The following ARHGEF26 variants were observed in gnomAD, a reference collection of about 807,000 sequenced individuals.
The protein encoded by ARHGEF26 is Rho guanine nucleotide exchange factor (GEF) 26.
In ARHGEF26, 59 loss-of-function variants were observed where a neutral mutation model predicts 89.4. The ratio of observed to expected loss-of-function variants is 0.66; its 90% CI spans 0.54 to 0.82. The LOEUF (loss-of-function observed/expected upper bound fraction) is 0.82, where lower values mean the gene tolerates loss of function less well. Ranked by LOEUF, ARHGEF26 falls within the 40% of genes least tolerant of loss-of-function variation. The pLI is 0.00. For missense variants in ARHGEF26, 1,234 were observed against 1,085.6 expected (o/e 1.14, Z -1.92); for synonymous variants, 500 against 428.4 (o/e 1.17, Z -2.06).
chr3:154,152,618 G>A (rs1727957), intron 5 of ARHGEF26, among the ~76,000 whole-genome samples, 154 bp from the exon 6 acceptor site: 138,291 of 152,228 alleles, frequency 0.91, 63,038 homozygotes, highest in East Asian at 1. Flanking sequence ...GAGTAGTTTT[G>A]TGATGTTGTT....
At chr3:154,169,590 C>T (rs541268838) in intron 6 of ARHGEF26, among the ~76,000 whole-genome samples, 2 of 152,234 alleles carry the variant, frequency 1.3e-5, no homozygotes, top group East Asian at 3.9e-4. Context: ...GCTGTGGTGT[C>T]TTACAGAGAA....
At chr3:154,123,813 T>A (rs368216210) in intron 2 of ARHGEF26, among the ~76,000 whole-genome samples, 1 of 152,202 alleles carries the variant, frequency 6.6e-6, no homozygotes, top group Non-Finnish European at 1.5e-5. Flanking sequence ...GCTGCACTTA[T>A]TAAAATATTG....
chr3:154,147,124 G>C (rs1398231571), intron 4 of ARHGEF26, among the ~76,000 whole-genome samples: 1 of 152,176 alleles, frequency 6.6e-6, no homozygotes, highest in Non-Finnish European at 1.5e-5. Context: ...TAAAAATGAG[G>C]CCGGACATGG....
intron 2 of ARHGEF26, among the ~76,000 whole-genome samples, chr3:154,123,383 A>G (rs1469641607): frequency 1.3e-5 from 2 of 152,148 alleles, no homozygotes; most frequent in African/African-American, 4.8e-5. Context: ...CCACTTTTAA[A>G]AGAGATAGCT....
intron 6 of ARHGEF26, among the ~76,000 whole-genome samples, chr3:154,154,110 C>T (rs1461806978): frequency 6.6e-6 from 1 of 152,056 alleles, no homozygotes; most frequent in Non-Finnish European, 1.5e-5. Flanking sequence ...AAGGTACATC[C>T]ATCTATTCAT....
intron 6 of ARHGEF26, among the ~76,000 whole-genome samples, chr3:154,161,893 G>A (rs1394844901): frequency 6.6e-6 from 1 of 152,142 alleles, no homozygotes; most frequent in Admixed American, 6.6e-5. Context: ...TGCTTCAGCT[G>A]CCAATTAGAC....
At chr3:154,143,065 C>T (rs1719479502) in intron 4 of ARHGEF26, among the ~76,000 whole-genome samples, 1 of 152,148 alleles carries the variant, frequency 6.6e-6, no homozygotes, top group Non-Finnish European at 1.5e-5. Context: ...GTCTGCCCTA[C>T]TCGTTTTGTT....
intron 7 of ARHGEF26, among the ~76,000 whole-genome samples, chr3:154,188,637 C>T (rs1277740550): frequency 6.6e-6 from 1 of 152,118 alleles, no homozygotes; most frequent in South Asian, 2.1e-4. Flanking sequence ...CTCACCCCCT[C>T]CTGTGAGTTG....
intron 11 of ARHGEF26, among the ~76,000 whole-genome samples, chr3:154,237,054 T>G (rs1267375283): frequency 6.6e-6 from 1 of 152,220 alleles, no homozygotes; most frequent in Non-Finnish European, 1.5e-5. Context: ...TAGCTGTGAT[T>G]AGGGCAGCCA....
chr3:154,239,295 AGAGAGTGTGTGTGTGTGTGT>A (rs1189619448), intron 11 of ARHGEF26, among the ~76,000 whole-genome samples: 7 of 58,766 alleles, frequency 1.2e-4, no homozygotes, highest in African/African-American at 4.3e-4. Flanking sequence ...AGAGAGAGAG[AGAGAGTGTGTGTGTGTGTGT>A]GTGTGTGTGT....
At chr3:154,130,010 C>T (rs1718584797) in intron 4 of ARHGEF26, among the ~76,000 whole-genome samples, 1 of 152,090 alleles carries the variant, frequency 6.6e-6, no homozygotes, top group East Asian at 1.9e-4. Flanking sequence ...ATATAGCCTG[C>T]ACTTTATCAT....
chr3:154,149,557 G>A lies in ARHGEF26; in HGVS notation c.1326+112G>A, dbSNP rs985637139. On this transcript the variant is annotated intron_variant, in intron 5 of 14. Coordinates refer to ENST00000465093, the MANE Select transcript of ARHGEF26 (RefSeq NM_015595.4). ...TTGTTTAGTGTTGCCCTTTGAAAAT[G>A]TATTTGTTTAACAAAAGCAGTAAGT... 1.1e-5 allele frequency: 10 copies of A among 898,794 alleles called. No homozygotes were observed. The African/African-American group carries it at 1.2e-4, about 11-fold the overall frequency. The allele number at this position is 898,794 out of a possible 1,614,324, so 55.7% of individuals were successfully genotyped here. A position where few individuals can be genotyped will look rare whatever the true frequency, so the allele number is the denominator to read the frequency against.
At chr3:154,255,242 G>A (rs1718423693) in intron 14 of ARHGEF26, 89 bp from the exon 15 acceptor site, 3 of 1,372,858 alleles carry the variant, frequency 2.2e-6, no homozygotes, top group Admixed American at 4.1e-5. Flanking sequence ...GCCTGGGGAG[G>A]GATGCTGCCT....
At chr3:154,143,412 A>G (rs551857767) in intron 4 of ARHGEF26, among the ~76,000 whole-genome samples, 2 of 152,114 alleles carry the variant, frequency 1.3e-5, no homozygotes, top group East Asian at 1.9e-4. Flanking sequence ...ATGACCTTCT[A>G]TGTCATTAAA....
intron 6 of ARHGEF26, among the ~76,000 whole-genome samples, chr3:154,157,942 G>A (rs964098029): frequency 2.0e-5 from 3 of 152,144 alleles, no homozygotes; most frequent in African/African-American, 4.8e-5. Flanking sequence ...GTCATTTTAA[G>A]TTTAAATGAG....
chr3:154,204,652 C>A (rs887037177), intron 9 of ARHGEF26, among the ~76,000 whole-genome samples: 13 of 152,060 alleles, frequency 8.5e-5, no homozygotes, highest in African/African-American at 3.1e-4. Context: ...TTGATTTATT[C>A]ACTTACAGCT....
At chr3:154,212,642 C>G (rs1300299212) in intron 9 of ARHGEF26, among the ~76,000 whole-genome samples, 2 of 151,956 alleles carry the variant, frequency 1.3e-5, no homozygotes, top group African/African-American at 2.4e-5. Flanking sequence ...CGGGATGAAA[C>G]CATTTCACCT....
rs200531860 is a variant in ARHGEF26, at chr3:154,238,049, A to G, written c.2091-2321A>G. On this transcript the variant is annotated intron_variant, in intron 11 of 14. Transcript: ENST00000465093. ...GGTTTTGGTTTTTATCCTGAGTCCT[A>G]TGCTGTTCAATGCATGTCTGATATA... 4.6e-5 allele frequency among the ~76,000 whole-genome samples: 7 copies of G among 152,292 alleles called. No individual in the cohort carries two copies. In the East Asian group the frequency reaches 1.4e-3, roughly 29 times the overall value.
At position 154,122,865 on chromosome 3, in the gene ARHGEF26, C is replaced by T. The variant is rs1206621299; in HGVS notation, c.873C>T (p.His291=). 6.2e-7 allele frequency: 1 copy of T among 1,612,860 alleles called. No homozygotes were observed. Among genetic ancestry groups the T allele is most frequent in the Admixed American group, 1.7e-5 (1 of 59,836 alleles). Residue 291 remains histidine, a synonymous_variant, in exon 2 of 15, where the codon CAC becomes CAT. Transcript: ENST00000465093. ...AGGGCCTAGGAGGACCCCTGGGTCA[C>T]GCAGGGGAGGAGAGTGAGGTCGATA... ...MVEGLGGPLG[H]AGEESEVDND... is the part of the protein sequence containing the mutation.
Sources: allele counts gnomAD v4.1 joint callset (sites outside exome capture counted in the v4.1 genomes callset), GRCh38; gene constraint gnomAD v4.1.1; transcripts MANE v1.5; gene names NCBI Gene and HGNC (gene_info 2026-07-23, HGNC 2026-07-21).